The following ULK4 variants were observed in gnomAD, a reference collection of about 807,000 sequenced individuals.
The protein encoded by ULK4 is unc-51 like kinase 4.
A neutral mutation model predicts 160.6 loss-of-function variants in ULK4; 133 were observed. The ratio of observed to expected loss-of-function variants is 0.83; its 90% CI spans 0.72 to 0.96. The LOEUF (loss-of-function observed/expected upper bound fraction) is 0.96. Ranked by LOEUF, ULK4 falls within the 40% of genes least tolerant of loss-of-function variation. ULK4 has a pLI of 0.00. For missense variants in ULK4, 1,580 were observed against 1,499.5 expected, an observed-to-expected ratio of 1.05 and a Z score of -0.89; for synonymous variants, 534 against 539.8, an observed-to-expected ratio of 0.99 and a Z score of 0.15.
intron 16 of ULK4, among the ~76,000 whole-genome samples, chr3:41,890,332 A>G (rs1697874378): frequency 1.3e-5 from 2 of 152,184 alleles, no homozygotes; most frequent in African/African-American, 2.4e-5. Flanking sequence ...GGGTTTCAGG[A>G]ACAGAAAAAG....
intron 19 of ULK4, among the ~76,000 whole-genome samples, chr3:41,813,840 T>C (rs545726068): frequency 5.9e-5 from 9 of 152,350 alleles, no homozygotes; most frequent in Admixed American, 5.2e-4. Context: ...GATGTTGTTT[T>C]CTTTCTTTTG....
At chr3:41,554,021 A>T (rs2087187315) in intron 32 of ULK4, among the ~76,000 whole-genome samples, 1 of 151,972 alleles carries the variant, frequency 6.6e-6, no homozygotes. Flanking sequence ...CCTTTATTCT[A>T]TCTATCTCCA....
At chr3:41,584,954 CA>C (rs2030681742) in intron 31 of ULK4, among the ~76,000 whole-genome samples, 1 of 151,958 alleles carries the variant, frequency 6.6e-6, no homozygotes, top group Admixed American at 6.6e-5. Flanking sequence ...ACCAAGGAGG[CA>C]AAAGACTTGT....
At chr3:41,402,265 C>T (rs575791331) in intron 34 of ULK4, among the ~76,000 whole-genome samples, 25 of 152,214 alleles carry the variant, frequency 1.6e-4, no homozygotes, top group South Asian at 8.3e-4. Context: ...CAAGATTCTT[C>T]GGCATTTTCT....
intron 30 of ULK4, among the ~76,000 whole-genome samples, chr3:41,649,653 G>C (rs2034657872): frequency 6.6e-6 from 1 of 152,256 alleles, no homozygotes; most frequent in Admixed American, 6.5e-5. Context: ...GGGTGCCAAT[G>C]AGCATGGGAA....
chr3:41,776,565 G>C lies in ULK4; in HGVS notation c.2193+13096C>G, dbSNP rs566696117. ...AGATACAAAATGATCTCTGAGGTAA[G>C]TTTAAAAAGGTACAAAATGAAATAC... is the stretch of plus-strand genomic sequence containing the variant. On this transcript the variant is annotated intron_variant, in intron 21 of 36. Transcript: ENST00000301831. 2.5e-4 allele frequency among the ~76,000 whole-genome samples: 38 copies of C among 150,720 alleles called. 4 individuals carry two copies. Among genetic ancestry groups the C allele is most frequent in the African/African-American group, 9.2e-4 (37 of 40,066 alleles).
At chr3:41,366,783 C>T (rs572519634) in intron 35 of ULK4, among the ~76,000 whole-genome samples, 4 of 152,156 alleles carry the variant, frequency 2.6e-5, no homozygotes, top group Non-Finnish European at 5.9e-5. Context: ...AGTCTTCTGT[C>T]CCTTCTCTCT....
intron 35 of ULK4, among the ~76,000 whole-genome samples, chr3:41,298,917 G>A (rs530025865): frequency 1.7e-4 from 26 of 152,316 alleles, no homozygotes; most frequent in Non-Finnish European, 2.9e-4. Context: ...ACAATTCAGT[G>A]AGTCAGAACA....
intron 35 of ULK4, among the ~76,000 whole-genome samples, chr3:41,268,214 T>C (rs960388848): frequency 1.3e-5 from 2 of 152,294 alleles, no homozygotes; most frequent in Middle Eastern, 3.4e-3. Flanking sequence ...TGAGAAACCA[T>C]AGGCTAGACC....
intron 18 of ULK4, among the ~76,000 whole-genome samples, chr3:41,822,607 C>A (rs2041181117): frequency 6.7e-6 from 1 of 149,690 alleles, no homozygotes; most frequent in Admixed American, 6.7e-5. Context: ...TTAGTAGAGA[C>A]AGCATTTCGC....
chr3:41,645,951 C>A (rs374852953), intron 30 of ULK4, among the ~76,000 whole-genome samples: 4 of 152,292 alleles, frequency 2.6e-5, no homozygotes, highest in Non-Finnish European at 5.9e-5. Flanking sequence ...ATGTAATGGC[C>A]TTCCTGGTCT....
At chr3:41,460,880 C>T (rs1282404851) in intron 33 of ULK4, among the ~76,000 whole-genome samples, 2 of 152,120 alleles carry the variant, frequency 1.3e-5, no homozygotes, top group Non-Finnish European at 2.9e-5. Context: ...GATGAGGAAA[C>T]TGATACTTAG....
intron 32 of ULK4, among the ~76,000 whole-genome samples, chr3:41,546,143 T>C (rs1795338): frequency 0.51 from 77,555 of 151,900 alleles, 19,919 homozygotes; most frequent in Middle Eastern, 0.57. Context: ...ATTCTTTCTG[T>C]ACCCCCTAAG....
chr3:41,481,239 TTTTAACATA>T (rs1295881083), intron 32 of ULK4, among the ~76,000 whole-genome samples: 1 of 152,156 alleles, frequency 6.6e-6, no homozygotes, highest in Non-Finnish European at 1.5e-5. Flanking sequence ...ATTACCACAT[TTTTAACATA>T]TTTAACATGT....
intron 32 of ULK4, among the ~76,000 whole-genome samples, chr3:41,469,486 C>G (rs1395520225): frequency 1.3e-5 from 2 of 150,224 alleles, no homozygotes; most frequent in African/African-American, 4.9e-5. Flanking sequence ...AAATTGAGAG[C>G]AAAGGCAGCA....
chr3:41,334,724 C>T (rs1475606271), intron 35 of ULK4, among the ~76,000 whole-genome samples: 2 of 152,140 alleles, frequency 1.3e-5, no homozygotes, highest in African/African-American at 2.4e-5. Flanking sequence ...GTACTGCCTA[C>T]AGAAATATGT....
intron 18 of ULK4, among the ~76,000 whole-genome samples, chr3:41,827,067 C>T (rs1041535525): frequency 9.3e-5 from 14 of 150,710 alleles, no homozygotes; most frequent in Admixed American, 3.3e-4. Context: ...CTACTGGGTA[C>T]ATAACGAAAC....
At chr3:41,732,982 G>C (rs531574515) in intron 22 of ULK4, among the ~76,000 whole-genome samples, 2 of 152,220 alleles carry the variant, frequency 1.3e-5, no homozygotes, top group East Asian at 3.9e-4. Flanking sequence ...GGAGGACAGG[G>C]AAAGTTTGTA....
rs1211334745 is a variant in ULK4, at chr3:41,800,251, T to A, written c.1891A>T (p.Asn631Tyr). Residue 631 changes from asparagine (N) to tyrosine (Y), a missense_variant, in exon 20 of 37, where the codon AAT becomes TAT. By Grantham distance (143) the Asn-to-Tyr change is moderately radical. Coordinates refer to ENST00000301831, the MANE Select transcript of ULK4 (RefSeq NM_017886.4). ...TGAGCAGAAAAGGTGGTACAGACATTTTCAATAATTTTTGCTGCCATGTGA... is the reference window on the plus strand; with the variant it reads ...TGAGCAGAAAAGGTGGTACAGACATATTCAATAATTTTTGCTGCCATGTGA... ...VNHMAAKIIENVCTTFSAQSQ... is the reference protein window; with the variant it reads ...VNHMAAKIIEYVCTTFSAQSQ... 1.2e-6 allele frequency: 2 copies of A among 1,612,850 alleles called. No individual in the cohort carries two copies. The highest frequency in any genetic ancestry group is 1.7e-6 in the Non-Finnish European group (2 of 1,179,710).
Sources: gnomAD v4.1 joint callset for allele counts (sites outside exome capture counted in the v4.1 genomes callset) on GRCh38, gnomAD v4.1.1 for gene constraint, MANE v1.5 for transcripts, NCBI Gene and HGNC (gene_info 2026-07-23, HGNC 2026-07-21) for gene names.